Variants in ENTREP2 observed in about 807,000 individuals in gnomAD.
ENTREP2 encodes the protein protein ENTREP2.
the ENTREP2 span, among the ~76,000 whole-genome samples, chr15:29,373,307 T>C: frequency 2.0e-5 from 3 of 152,170 alleles, no homozygotes; most frequent in Non-Finnish European, 2.9e-5. Context: ...GTTCAATATA[T>C]TGAATCAGGT....
At chr15:29,400,379 A>C in the ENTREP2 span, among the ~76,000 whole-genome samples, 507 of 152,354 alleles carry the variant, frequency 3.3e-3, 1 homozygote, top group Non-Finnish European at 1.9e-3. Context: ...AGGAATCCTT[A>C]AACATCTACT....
the ENTREP2 span, among the ~76,000 whole-genome samples, chr15:29,413,881 A>G: frequency 6.6e-6 from 1 of 152,208 alleles, no homozygotes; most frequent in East Asian, 1.9e-4. Context: ...TTAAACCAAC[A>G]AAGATCAAAA....
the ENTREP2 span, among the ~76,000 whole-genome samples, chr15:29,510,085 G>T: frequency 6.6e-6 from 1 of 152,178 alleles, no homozygotes; most frequent in African/African-American, 2.4e-5. Flanking sequence ...AAAAGTGGGT[G>T]AAGGATATGA....
chr15:29,556,862 G>C, the ENTREP2 span, among the ~76,000 whole-genome samples: 1 of 151,214 alleles, frequency 6.6e-6, no homozygotes, highest in African/African-American at 2.4e-5. Context: ...CAGTGTGACT[G>C]GGGCACAATG....
chr15:29,140,495 C>A, the ENTREP2 span, among the ~76,000 whole-genome samples: 6 of 152,220 alleles, frequency 3.9e-5, no homozygotes, highest in African/African-American at 1.2e-4. Flanking sequence ...TTTAATGAGA[C>A]CCTGGCTCAC....
At chr15:29,444,363 G>A in the ENTREP2 span, among the ~76,000 whole-genome samples, 2 of 152,260 alleles carry the variant, frequency 1.3e-5, no homozygotes, top group Admixed American at 1.3e-4. Flanking sequence ...CCGTTGCGGG[G>A]TGCGGGATAA....
At chr15:29,144,837 C>T in the ENTREP2 span, among the ~76,000 whole-genome samples, 2 of 151,520 alleles carry the variant, frequency 1.3e-5, no homozygotes, top group African/African-American at 4.9e-5. Context: ...GTCAGGAGTC[C>T]AAGACAAGCC....
chr15:29,337,142 C>T, the ENTREP2 span, among the ~76,000 whole-genome samples: 12 of 152,240 alleles, frequency 7.9e-5, no homozygotes, highest in South Asian at 8.3e-4. Context: ...TTCCCTGCAG[C>T]GTTCAAAGAG....
the ENTREP2 span, among the ~76,000 whole-genome samples, chr15:29,567,261 C>G: frequency 6.6e-6 from 1 of 152,176 alleles, no homozygotes; most frequent in East Asian, 1.9e-4. Context: ...CCAACCTTGC[C>G]GAGTCCTCCC....
the ENTREP2 span, among the ~76,000 whole-genome samples, chr15:29,273,625 G>C: frequency 6.6e-6 from 1 of 152,202 alleles, no homozygotes; most frequent in South Asian, 2.1e-4. Flanking sequence ...ATTTCAGTAA[G>C]TGGACTAGGA....
At chr15:29,369,397 A>G in the ENTREP2 span, among the ~76,000 whole-genome samples, 64 of 152,262 alleles carry the variant, frequency 4.2e-4, no homozygotes, top group Non-Finnish European at 7.6e-4. Context: ...TCATTAGAAA[A>G]CATGCAGGAC....
chr15:29,357,609 G>A, the ENTREP2 span, among the ~76,000 whole-genome samples: 320 of 152,022 alleles, frequency 2.1e-3, 1 homozygote, highest in African/African-American at 5.8e-3. Context: ...AGGCCGAGGC[G>A]GGCAGATCAC....
chr15:29,438,715 C>T, the ENTREP2 span, among the ~76,000 whole-genome samples: 1 of 152,244 alleles, frequency 6.6e-6, no homozygotes, highest in Admixed American at 6.5e-5. Flanking sequence ...GCTGTCTCTC[C>T]CAATCTTCAG....
At chr15:29,304,183 G>A in the ENTREP2 span, among the ~76,000 whole-genome samples, 1 of 152,052 alleles carries the variant, frequency 6.6e-6, no homozygotes. Flanking sequence ...GCACCCGGCT[G>A]TATGGCATTT....
At chr15:29,474,897 T>C in the ENTREP2 span, among the ~76,000 whole-genome samples, 2 of 146,908 alleles carry the variant, frequency 1.4e-5, no homozygotes, top group African/African-American at 5.0e-5. Flanking sequence ...AGATGTCGTA[T>C]CTTGCTCATT....
chr15:29,280,987 A>G, the ENTREP2 span, among the ~76,000 whole-genome samples: 1 of 152,246 alleles, frequency 6.6e-6, no homozygotes, highest in East Asian at 1.9e-4. Flanking sequence ...TTAAAAATGT[A>G]CCCGTGAAAT....
the ENTREP2 span, among the ~76,000 whole-genome samples, chr15:29,141,071 A>C: frequency 6.6e-6 from 1 of 152,298 alleles, no homozygotes; most frequent in African/African-American, 2.4e-5. Flanking sequence ...CCACCTTCTC[A>C]GGTGGGTGCA....
At chr15:29,508,616 T>C in the ENTREP2 span, among the ~76,000 whole-genome samples, 4 of 152,104 alleles carry the variant, frequency 2.6e-5, no homozygotes, top group Admixed American at 2.0e-4. Context: ...ATAAATGTAA[T>C]GTATCACAAA....
At chr15:29,513,117 C>G in the ENTREP2 span, among the ~76,000 whole-genome samples, 81 of 152,234 alleles carry the variant, frequency 5.3e-4, no homozygotes, top group South Asian at 7.0e-3. Flanking sequence ...AAGTACTGAG[C>G]CTTAAAGAAA....
Sources: allele counts gnomAD v4.1 joint callset (sites outside exome capture counted in the v4.1 genomes callset), GRCh38; gene constraint gnomAD v4.1.1; transcripts MANE v1.5; gene names NCBI Gene and HGNC (gene_info 2026-07-23, HGNC 2026-07-21).